CAST: variants seen among roughly 807,000 people sequenced by gnomAD.
CAST encodes the protein calpastatin.
In CAST, 76 loss-of-function variants were observed where a neutral mutation model predicts 119.6. That is an observed-to-expected ratio of 0.64 (90% CI 0.53 to 0.77). CAST has a LOEUF of 0.77. Ranked by LOEUF, CAST falls within the 30% of genes least tolerant of loss-of-function variation. The pLI is 0.00. For missense variants in CAST, 953 were observed against 946.5 expected (o/e 1.01, Z -0.09); for synonymous variants, 319 against 331.6 (o/e 0.96, Z 0.41).
At chr5:96,336,529 A>G in the CAST span, among the ~76,000 whole-genome samples, 35 of 152,212 alleles carry the variant, frequency 2.3e-4, no homozygotes, top group Non-Finnish European at 4.1e-4. Context: ...TTTCGCTCCC[A>G]GAGTTCTTGT....
chr5:96,689,745 G>T (rs73774388), intron 2 of CAST, among the ~76,000 whole-genome samples: 2,615 of 152,162 alleles, frequency 0.017, 79 homozygotes, highest in African/African-American at 0.059. Context: ...ACTAGTATCC[G>T]ATACTCATCA....
the CAST span, among the ~76,000 whole-genome samples, chr5:96,361,389 C>A: frequency 6.6e-6 from 1 of 151,948 alleles, no homozygotes; most frequent in Non-Finnish European, 1.5e-5. Flanking sequence ...GAAAAAAAAA[C>A]TCCTGCAGCT....
the CAST span, among the ~76,000 whole-genome samples, chr5:96,119,904 G>A: frequency 1.2e-4 from 19 of 152,184 alleles, no homozygotes; most frequent in Non-Finnish European, 2.4e-4. Flanking sequence ...CTCCACGGCA[G>A]TCTGGTAAGA....
chr5:96,534,735 G>GAA (rs1561408809), intron 1 of CAST, among the ~76,000 whole-genome samples: 35 of 18,774 alleles, frequency 1.9e-3, no homozygotes, highest in Non-Finnish European at 1.4e-3. Context: ...GAGAGAGAGA[G>GAA]AGAGAGAAAG....
the CAST span, among the ~76,000 whole-genome samples, chr5:96,470,272 T>C: frequency 2.0e-5 from 3 of 151,912 alleles, no homozygotes; most frequent in Non-Finnish European, 4.4e-5. Context: ...ACCACAGTTA[T>C]ATGTCTTTTA....
intron 1 of CAST, among the ~76,000 whole-genome samples, chr5:96,581,508 T>A: frequency 6.6e-6 from 1 of 152,242 alleles, no homozygotes; most frequent in South Asian, 2.1e-4. Context: ...TACTTTGGTT[T>A]GTCAATTCTA....
chr5:96,224,022 T>C, the CAST span, among the ~76,000 whole-genome samples: 1 of 152,072 alleles, frequency 6.6e-6, no homozygotes, highest in Non-Finnish European at 1.5e-5. Flanking sequence ...GTGATGGTTA[T>C]AAAAAGGTAA....
At chr5:96,018,038 T>A in the CAST span, among the ~76,000 whole-genome samples, 1 of 152,212 alleles carries the variant, frequency 6.6e-6, no homozygotes, top group African/African-American at 2.4e-5. Flanking sequence ...GTTTCATGGC[T>A]TACTTTGTCT....
At chr5:96,387,690 A>G in the CAST span, among the ~76,000 whole-genome samples, 1 of 152,188 alleles carries the variant, frequency 6.6e-6, no homozygotes, top group African/African-American at 2.4e-5. Context: ...ATTATGCATG[A>G]TATGTGGGGA....
the CAST span, among the ~76,000 whole-genome samples, chr5:96,451,335 C>T: frequency 6.6e-6 from 1 of 151,994 alleles, no homozygotes; most frequent in African/African-American, 2.4e-5. Context: ...AATTAGAAAA[C>T]TAGTGCCTTT....
chr5:96,529,714 C>T (rs903212671), upstream of CAST: 6 of 345,048 alleles, frequency 1.7e-5, no homozygotes, highest in Non-Finnish European at 2.9e-5. Context: ...GCAGTTTCCC[C>T]CATCCTGTGA....
the CAST span, among the ~76,000 whole-genome samples, chr5:96,281,212 T>C: frequency 1.9e-3 from 296 of 152,328 alleles, no homozygotes; most frequent in Non-Finnish European, 3.1e-3. Flanking sequence ...TTGTTGCAAA[T>C]GACAGAAACT....
At chr5:96,360,902 A>G in the CAST span, among the ~76,000 whole-genome samples, 1 of 152,166 alleles carries the variant, frequency 6.6e-6, no homozygotes, top group Non-Finnish European at 1.5e-5. Context: ...AGCAGGCAGG[A>G]ATGTTTAAGT....
chr5:96,279,764 C>T, the CAST span, among the ~76,000 whole-genome samples: 3 of 152,186 alleles, frequency 2.0e-5, 1 homozygote, highest in South Asian at 4.1e-4. Context: ...AAAAACTGAG[C>T]TGACCATTAA....
the CAST span, among the ~76,000 whole-genome samples, chr5:96,272,373 C>T: frequency 2.6e-5 from 4 of 151,914 alleles, no homozygotes. Context: ...AAGTGCCCAC[C>T]CAGGGATGAA....
At chr5:96,001,901 T>C in the CAST span, among the ~76,000 whole-genome samples, 1 of 152,238 alleles carries the variant, frequency 6.6e-6, no homozygotes, top group Admixed American at 6.5e-5. Context: ...ACTGAGCCTA[T>C]GGCTTTTGAA....
the CAST span, among the ~76,000 whole-genome samples, chr5:96,311,329 T>C: frequency 6.6e-6 from 1 of 152,104 alleles, no homozygotes; most frequent in Non-Finnish European, 1.5e-5. Context: ...ACTTGTCTTG[T>C]GGCCTAACAT....
chr5:96,036,720 C>T, the CAST span, among the ~76,000 whole-genome samples: 1 of 152,118 alleles, frequency 6.6e-6, no homozygotes. Context: ...ATATTTAAGA[C>T]CATACAAATA....
chr5:96,098,837 T>C, the CAST span, among the ~76,000 whole-genome samples: 2 of 152,158 alleles, frequency 1.3e-5, no homozygotes, highest in African/African-American at 2.4e-5. Flanking sequence ...AATTTTTAAG[T>C]GTTTTTGATA....
Sources: allele counts gnomAD v4.1 joint callset (sites outside exome capture counted in the v4.1 genomes callset), GRCh38; gene constraint gnomAD v4.1.1; transcripts MANE v1.5; gene names NCBI Gene and HGNC (gene_info 2026-07-23, HGNC 2026-07-21).